Variants in PPP1R14A observed in about 807,000 individuals in gnomAD.
PPP1R14A encodes protein phosphatase 1 regulatory subunit 14A.
A neutral mutation model predicts 14.1 loss-of-function variants in PPP1R14A; 9 were observed. That is an observed-to-expected ratio of 0.64 (90% CI 0.38 to 1.11). The LOEUF (loss-of-function observed/expected upper bound fraction) is 1.11. Ranked by LOEUF, PPP1R14A falls within the 50% of genes most tolerant of loss-of-function variation. PPP1R14A has a pLI of 0.01. For missense variants in PPP1R14A, 208 were observed against 200.7 expected, an observed-to-expected ratio of 1.04 and a Z score of -0.22; for synonymous variants, 93 against 88.7, an observed-to-expected ratio of 1.05 and a Z score of -0.27.
At chr19:38,251,710 GAGAAACAGACAC>G (rs748830435) in intron 3 of PPP1R14A, among the ~76,000 whole-genome samples, 84 of 152,126 alleles carry the variant, frequency 5.5e-4, no homozygotes, top group African/African-American at 1.5e-3. Flanking sequence ...GGGGGAGGGG[GAGAAACAGACAC>G]AGAAACAGAG....
chr19:38,251,385 T>C lies in PPP1R14A; in HGVS notation c.377A>G (p.Gln126Arg). 1.3e-6 allele frequency: 2 copies of C among 1,560,106 alleles called. No individual in the cohort carries two copies. Among genetic ancestry groups the C allele is most frequent in the Non-Finnish European group, 1.7e-6 (2 of 1,161,748 alleles). ...QGLHRQPGLR[Q>R]PSPSHDGSLS... is the part of the protein sequence containing the mutation. ...GCTGCCGTCGTGGGAGGGGCTTGGC[T>C]GGCGGAGGCCGGGCTGCCTGTGGAG... Residue 126 changes from glutamine (Q) to arginine (R), a missense_variant, in exon 4 of 4, where the codon CAG becomes CGG. Gln to Arg is a conservative substitution (Grantham distance 43). Transcript: ENST00000301242.
Position 38,256,367 on chromosome 19 carries a change from C to A in PPP1R14A, c.-28G>T. 7 of 1,394,566 alleles carry A rather than the reference C, an allele frequency of 5.0e-6. No homozygotes were observed. The highest frequency in any genetic ancestry group is 4.6e-6 in the Non-Finnish European group (5 of 1,081,740). 86.4% of individuals were successfully genotyped at this position (1,394,566 alleles called of 1,614,324 possible). ...CGCTGCTGGACCCAGCCTGGCCCCG[C>A]GCTGTGCGCCTTCGCCTCGCGCCCC... On this transcript the variant is annotated 5_prime_UTR_variant, in exon 1 of 4. Coordinates refer to ENST00000301242, the MANE Select transcript of PPP1R14A (RefSeq NM_033256.3). This position sits in a 1 kb window ranked among gnomAD's most constrained non-coding sequence, Gnocchi z 5.7.
rs1225933283 is a variant in PPP1R14A at position 38,252,745 on chromosome 19, G to A, written c.282+149C>T. The stretch of plus-strand genomic sequence containing the variant: ...GCTCACACTAGCGCCTGCTTCGGAG[G>A]GTTTTGTGAGGGTTAAGTGAGTGAA... On this transcript the variant is annotated intron_variant, in intron 2 of 3. Transcript: ENST00000301242. This position sits in a 1 kb window ranked among gnomAD's most constrained non-coding sequence, Gnocchi z 4.1. 5 of 714,090 alleles carry A rather than the reference G, an allele frequency of 7.0e-6. No individual in the cohort carries two copies. The highest frequency in any genetic ancestry group is 1.2e-5 in the Non-Finnish European group (5 of 402,298). The allele number at this position is 714,090 out of a possible 1,614,324, so 44.2% of individuals were successfully genotyped here. A position where few individuals can be genotyped will look rare whatever the true frequency, so the allele number is the denominator to read the frequency against.
chr19:38,256,372 T>C lies in PPP1R14A; in HGVS notation c.-33A>G. On this transcript the variant is annotated 5_prime_UTR_variant, in exon 1 of 4. Transcript: ENST00000301242. The surrounding 1 kb of genome is among the most constrained non-coding windows in gnomAD (Gnocchi z 5.7). Reference sequence around the variant, plus strand: ...CTGGACCCAGCCTGGCCCCGCGCTGTGCGCCTTCGCCTCGCGCCCCGGGTG... The same window carrying C: ...CTGGACCCAGCCTGGCCCCGCGCTGCGCGCCTTCGCCTCGCGCCCCGGGTG... The C allele has an allele frequency of 7.2e-7, 1 of 1,387,678 alleles. No homozygotes were observed. The highest frequency in any genetic ancestry group is 9.3e-7 in the Non-Finnish European group (1 of 1,077,982). The allele number at this position is 1,387,678 out of a possible 1,614,324, so 86.0% of individuals were successfully genotyped here.
intron 1 of PPP1R14A, among the ~76,000 whole-genome samples, chr19:38,254,353 G>A (rs1968223062): frequency 1.3e-5 from 2 of 150,808 alleles, no homozygotes; most frequent in Admixed American, 1.3e-4. Flanking sequence ...CACCTAGGGT[G>A]GAGTACAATG....
At chr19:38,254,897 G>A (rs575665667) in intron 1 of PPP1R14A, among the ~76,000 whole-genome samples, 17 of 151,482 alleles carry the variant, frequency 1.1e-4, no homozygotes, top group East Asian at 3.9e-4. Context: ...GGGTTCAAGC[G>A]ATTCTCCTCC....
chr19:38,251,540 T>A, intron 3 of PPP1R14A, 94 bp from the exon 4 acceptor site: 1 of 1,139,230 alleles, frequency 8.8e-7, no homozygotes, highest in Non-Finnish European at 1.2e-6. Flanking sequence ...CGCCTCCTCC[T>A]GTTCTCTGAT....
intron 1 of PPP1R14A, 39 bp from the exon 2 acceptor site, chr19:38,253,013 C>T (rs1434287434): frequency 6.7e-7 from 1 of 1,491,308 alleles, no homozygotes; most frequent in East Asian, 2.3e-5. Context: ...GATCCCCTTC[C>T]CTCCCTCCCT....
At position 38,251,271 on chromosome 19, in the gene PPP1R14A, A is replaced by G. The variant is rs1431167012; in HGVS notation, c.*47T>C. 7.2e-7 allele frequency: 1 copy of G among 1,394,712 alleles called. No homozygotes were observed. The highest frequency in any genetic ancestry group is 9.2e-7 in the Non-Finnish European group (1 of 1,081,544). 86.4% of individuals were successfully genotyped at this position (1,394,712 alleles called of 1,614,324 possible). A position where few individuals can be genotyped will look rare whatever the true frequency, so the allele number is the denominator to read the frequency against. On this transcript the variant is annotated 3_prime_UTR_variant, in exon 4 of 4. Coordinates refer to ENST00000301242, the MANE Select transcript of PPP1R14A (RefSeq NM_033256.3). ...CAGAACCATTAAATACAACTTATAC[A>G]CAAGCAAGCTGGGCGGCGTCCGGGG...
Position 38,251,263 on chromosome 19 carries a change from A to G in PPP1R14A, c.*55T>C. 1 of 1,379,586 alleles carries G rather than the reference A, an allele frequency of 7.2e-7. No individual in the cohort carries two copies. The allele number at this position is 1,379,586 out of a possible 1,614,324, so 85.5% of individuals were successfully genotyped here. On this transcript the variant is annotated 3_prime_UTR_variant, in exon 4 of 4. Transcript: ENST00000301242. ...TATTGTTACAGAACCATTAAATACAACTTATACACAAGCAAGCTGGGCGGC... is the reference window on the plus strand; with the variant it reads ...TATTGTTACAGAACCATTAAATACAGCTTATACACAAGCAAGCTGGGCGGC...
chr19:38,254,845 G>A (rs1968229051), intron 1 of PPP1R14A, among the ~76,000 whole-genome samples: 2 of 152,074 alleles, frequency 1.3e-5, no homozygotes, highest in African/African-American at 4.8e-5. Flanking sequence ...CCAGGCTGGA[G>A]GGCAATGGCG....
At position 38,252,832 on chromosome 19, in the gene PPP1R14A, T is replaced by C; in HGVS notation, c.282+62A>G. On this transcript the variant is annotated intron_variant, in intron 2 of 3. Coordinates refer to ENST00000301242, the MANE Select transcript of PPP1R14A (RefSeq NM_033256.3). This position sits in a 1 kb window ranked among gnomAD's most constrained non-coding sequence, Gnocchi z 4.1. ...GTGAGCACTCAGTAAACACGTGAACTATTGCTATTATTTTTAGGGAGGTGC... is the reference window on the plus strand; with the variant it reads ...GTGAGCACTCAGTAAACACGTGAACCATTGCTATTATTTTTAGGGAGGTGC... 5 of 1,185,272 alleles carry C rather than the reference T, an allele frequency of 4.2e-6. No homozygotes were observed. Among genetic ancestry groups the C allele is most frequent in the Non-Finnish European group, 6.3e-6 (5 of 789,264 alleles). 73.4% of individuals were successfully genotyped at this position (1,185,272 alleles called of 1,614,324 possible).
intron 1 of PPP1R14A, 198 bp from the exon 2 acceptor site, chr19:38,253,172 C>T (rs1968209990): frequency 1.7e-6 from 1 of 572,856 alleles, no homozygotes; most frequent in South Asian, 2.0e-5. Context: ...GCTGAGAGAG[C>T]CCCGGGGCCC....
chr19:38,255,704 T>C (rs1968240301), intron 1 of PPP1R14A, among the ~76,000 whole-genome samples: 1 of 150,364 alleles, frequency 6.7e-6, no homozygotes, highest in African/African-American at 2.4e-5. Context: ...TGGCTATAGC[T>C]TCCTTCACTG....
Position 38,252,741 on chromosome 19 carries a change from G to A in PPP1R14A, c.282+153C>T, listed in dbSNP as rs73930560. 5.4e-3 allele frequency among the ~76,000 whole-genome samples: 826 copies of A among 152,204 alleles called. 9 individuals carry two copies. The highest frequency in any genetic ancestry group is 0.019 in the African/African-American group (802 of 41,550). ...TGGAGCTCACACTAGCGCCTGCTTCGGAGGGTTTTGTGAGGGTTAAGTGAG... is the reference window on the plus strand; with the variant it reads ...TGGAGCTCACACTAGCGCCTGCTTCAGAGGGTTTTGTGAGGGTTAAGTGAG... On this transcript the variant is annotated intron_variant, in intron 2 of 3. Transcript: ENST00000301242. This position sits in a 1 kb window ranked among gnomAD's most constrained non-coding sequence, Gnocchi z 4.1.
chr19:38,253,213 C>T, intron 1 of PPP1R14A: 1 of 486,874 alleles, frequency 2.1e-6, no homozygotes. Flanking sequence ...GCCCATGGGC[C>T]CCGGGAGCCT....
chr19:38,253,003 G>C, intron 1 of PPP1R14A, 29 bp from the exon 2 acceptor site: 1 of 1,554,944 alleles, frequency 6.4e-7, no homozygotes, highest in Non-Finnish European at 8.9e-7. Flanking sequence ...GGGTGCTTAG[G>C]ATCCCCTTCC....
chr19:38,252,322 C>A lies in PPP1R14A; in HGVS notation c.299G>T (p.Cys100Phe). Residue 100 changes from cysteine to phenylalanine, a missense_variant, in exon 3 of 4, where the codon TGT becomes TTT. Physicochemically the swap from Cys to Phe is radical, Grantham distance 205 (BLOSUM62 -2). Transcript: ENST00000301242. This position sits in a 1 kb window ranked among gnomAD's most constrained non-coding sequence, Gnocchi z 4.1. ...SRKIQGLLKS[C>F]GKPVEDFIQE... ...AAAACTCACCTCGACAGGTTTCCCA[C>A]ATGACTTCAGGAGTCCCTAAAACCC... 6.2e-7 allele frequency: 1 copy of A among 1,612,684 alleles called. No individual in the cohort carries two copies. Among genetic ancestry groups the A allele is most frequent in the Non-Finnish European group, 8.5e-7 (1 of 1,179,460 alleles).
At chr19:38,255,592 G>A in intron 1 of PPP1R14A, among the ~76,000 whole-genome samples, 1 of 151,688 alleles carries the variant, frequency 6.6e-6, no homozygotes, top group East Asian at 1.9e-4. Flanking sequence ...GCGGGTGGCT[G>A]TGACTGTAGC....
Sources: allele counts gnomAD v4.1 joint callset (sites outside exome capture counted in the v4.1 genomes callset), GRCh38; gene constraint gnomAD v4.1.1; non-coding constraint Gnocchi (gnomAD v3.1); transcripts MANE v1.5; gene names NCBI Gene and HGNC (gene_info 2026-07-23, HGNC 2026-07-21).